The following FERMT3 variants were observed in gnomAD, a reference collection of about 807,000 sequenced individuals.
The protein encoded by FERMT3 is fermitin family homolog 3.
A neutral mutation model predicts 80.8 loss-of-function variants in FERMT3; 33 were observed. The observed-to-expected ratio is 0.41, with a 90% confidence interval of 0.31 to 0.55. FERMT3 has a LOEUF of 0.55. Among genes scored for constraint, FERMT3 ranks in the 20% least tolerant of loss-of-function variants. The pLI is 0.31. For synonymous variants in FERMT3, 375 were observed against 372.2 expected (o/e 1.01, Z -0.09); for missense variants, 754 against 908.7 (o/e 0.83, Z 2.19).
Position 64,223,718 on chromosome 11 carries a change from C to A in FERMT3, c.*226C>A. On this transcript the variant is annotated 3_prime_UTR_variant, in exon 15 of 15. Transcript: ENST00000345728. Reference sequence around the variant, plus strand: ...GGGTCCCTGAGCTCATGTGGTGCCCCCTTTCCTTGTCTGAGTGGCTGAGGC... The same window carrying A: ...GGGTCCCTGAGCTCATGTGGTGCCCACTTTCCTTGTCTGAGTGGCTGAGGC... 1 of 753,182 alleles carries A rather than the reference C, an allele frequency of 1.3e-6. No homozygotes were observed. The allele number at this position is 753,182 out of a possible 1,614,324, so 46.7% of individuals were successfully genotyped here. A position where few individuals can be genotyped will look rare whatever the true frequency, so the allele number is the denominator to read the frequency against.
intron 13 of FERMT3, among the ~76,000 whole-genome samples, chr11:64,222,806 T>C (rs1398507241): frequency 1.3e-5 from 2 of 152,178 alleles, no homozygotes; most frequent in Non-Finnish European, 2.9e-5. Flanking sequence ...AAAGTTACCA[T>C]TTAAAGGCTT....
intron 6 of FERMT3, among the ~76,000 whole-genome samples, chr11:64,214,215 C>A (rs1946504279): frequency 7.0e-6 from 1 of 142,392 alleles, no homozygotes; most frequent in Admixed American, 7.3e-5. Context: ...GTTGCCCAGG[C>A]TGGAGTACAA....
intron 2 of FERMT3, among the ~76,000 whole-genome samples, chr11:64,209,478 C>T (rs776583120): frequency 3.3e-5 from 5 of 152,044 alleles, no homozygotes; most frequent in African/African-American, 9.7e-5. Context: ...GGTCCCAGGC[C>T]GAACCTGGGG....
intron 6 of FERMT3, among the ~76,000 whole-genome samples, chr11:64,217,900 C>A (rs1946584411): frequency 6.6e-6 from 1 of 152,192 alleles, no homozygotes; most frequent in Non-Finnish European, 1.5e-5. Context: ...GGTGGATTTA[C>A]CAGACAGGAG....
At position 64,211,047 on chromosome 11, in the gene FERMT3, C is replaced by T; in HGVS notation, c.395-5C>T. 1 of 1,602,060 alleles carries T rather than the reference C, an allele frequency of 6.2e-7. No homozygotes were observed. ...AGTCCCCGCTGAGACCCTAGCTCCCCTCAGGCATCCGGCACCCCGAGGAGC... is the reference window on the plus strand; with the variant it reads ...AGTCCCCGCTGAGACCCTAGCTCCCTTCAGGCATCCGGCACCCCGAGGAGC... On this transcript the variant is annotated splice_region_variant and splice_polypyrimidine_tract_variant and intron_variant, in intron 3 of 14. Transcript: ENST00000345728. This position sits in a 1 kb window ranked among gnomAD's most constrained non-coding sequence, Gnocchi z 4.7.
At position 64,210,870 on chromosome 11, in the gene FERMT3, GC is replaced by G; in HGVS notation, c.394+29del. Reference sequence around the variant, plus strand: ...GTAAGTTGCCCGGCTGATTCCCCTGGCCCACGAGGGTGATGCAAAGAGGCAG... The same window carrying G: ...GTAAGTTGCCCGGCTGATTCCCCTGGCCACGAGGGTGATGCAAAGAGGCAG... On this transcript the variant is annotated intron_variant, in intron 3 of 14. Coordinates refer to ENST00000345728, the MANE Select transcript of FERMT3 (RefSeq NM_031471.6). This position sits in a 1 kb window ranked among gnomAD's most constrained non-coding sequence, Gnocchi z 4.3. 1 of 1,609,672 alleles carries G rather than the reference GC, an allele frequency of 6.2e-7. No individual in the cohort carries two copies. Among genetic ancestry groups the G allele is most frequent in the Non-Finnish European group, 8.5e-7 (1 of 1,179,784 alleles).
rs1325840397 is a variant in FERMT3 at position 64,219,614 on chromosome 11, A to AC, written c.985_986insC (p.Asn329ThrfsTer76). On this transcript the variant is annotated frameshift_variant, in exon 8 of 15. Transcript: ENST00000345728. LOFTEE classifies it high-confidence loss of function. This position sits in a 1 kb window ranked among gnomAD's most constrained non-coding sequence, Gnocchi z 4.0. ...GGACGACCTGGATGTGGCCCTGAGCAACCTGGAGGTGAAGCTGGAGGGGTC... is the reference window on the plus strand; with the variant it reads ...GGACGACCTGGATGTGGCCCTGAGCACACCTGGAGGTGAAGCTGGAGGGGTC... 2 of 1,612,964 alleles carry AC rather than the reference A, an allele frequency of 1.2e-6. No individual in the cohort carries two copies. Among genetic ancestry groups the AC allele is most frequent in the Non-Finnish European group, 1.7e-6 (2 of 1,179,944 alleles).
Position 64,220,593 on chromosome 11 carries a change from C to G in FERMT3, c.1469C>G (p.Pro490Arg). ...GGCCCGGGCAACCACCCCCACGGCC[C>G]TGATGCCTCTGCCGAGGGCCTCAAC... is the stretch of plus-strand genomic sequence containing the variant. ...SGGPGNHPHG[P>R]DASAEGLNPY... Residue 490 changes from proline to arginine, a missense_variant, in exon 12 of 15, where the codon CCT becomes CGT. Coordinates refer to ENST00000345728, the MANE Select transcript of FERMT3 (RefSeq NM_031471.6). The G allele has an allele frequency of 6.2e-7, 1 of 1,610,118 alleles. No homozygotes were observed. Among genetic ancestry groups the G allele is most frequent in the East Asian group, 2.2e-5 (1 of 44,774 alleles).
At chr11:64,222,054 C>T (rs1946696821) in intron 13 of FERMT3, among the ~76,000 whole-genome samples, 1 of 151,910 alleles carries the variant, frequency 6.6e-6, no homozygotes, top group Non-Finnish European at 1.5e-5. Flanking sequence ...GCCTGACCAA[C>T]ATGGTGAAAC....
rs760748029 is a variant in FERMT3 at position 64,211,791 on chromosome 11, G to T, written c.786+44G>T. 1.3e-6 allele frequency: 2 copies of T among 1,580,156 alleles called. No homozygotes were observed. Among genetic ancestry groups the T allele is most frequent in the Non-Finnish European group, 8.7e-7 (1 of 1,149,330 alleles). On this transcript the variant is annotated intron_variant, in intron 6 of 14. Coordinates refer to ENST00000345728, the MANE Select transcript of FERMT3 (RefSeq NM_031471.6). The surrounding 1 kb of genome is among the most constrained non-coding windows in gnomAD (Gnocchi z 4.7). The stretch of plus-strand genomic sequence containing the variant: ...AAAGCGGGCCTCAGGTCCATGAGAT[G>T]TGGAGACCTAGGGCCTGGGGTATGG...
At position 64,220,428 on chromosome 11, in the gene FERMT3, T is replaced by C. The variant is rs763392402; in HGVS notation, c.1312-8T>C. On this transcript the variant is annotated splice_region_variant and splice_polypyrimidine_tract_variant and intron_variant, in intron 11 of 14. Transcript: ENST00000345728. The stretch of plus-strand genomic sequence containing the variant: ...GTTAGCACTGTCCCCCTCACCCCTC[T>C]CGCCCAGGAGCAGCAGTATGCCCGC... 3.7e-6 allele frequency: 6 copies of C among 1,610,750 alleles called. No individual in the cohort carries two copies. The African/African-American group carries it at 8.0e-5, about 22-fold the overall frequency.
chr11:64,223,099 G>C lies in FERMT3; in HGVS notation c.1722G>C (p.Leu574=), dbSNP rs769738360. The C allele has an allele frequency of 6.1e-5, 99 of 1,613,840 alleles. No individual in the cohort carries two copies. In the Admixed American group the frequency reaches 1.6e-3, roughly 27 times the overall value. Residue 574 remains leucine, a synonymous_variant, in exon 14 of 15, where the codon CTG becomes CTC. Transcript: ENST00000345728. ...DEILGIANNR[L]IRIDLAVGDV... ...TCCTGGGCATCGCCAACAACCGACT[G>C]ATCCGCATCGACTTGGCCGTGGGCG...
Position 64,219,560 on chromosome 11 carries a change from G to C in FERMT3, c.931G>C (p.Gly311Arg). The C allele has an allele frequency of 6.2e-7, 1 of 1,611,684 alleles. No homozygotes were observed. The highest frequency in any genetic ancestry group is 1.1e-5 in the South Asian group (1 of 91,032). Residue 311 changes from glycine to arginine, a missense_variant, in exon 8 of 15, where the codon GGG becomes CGG. Gly to Arg is a moderately radical substitution (Grantham distance 125). Coordinates refer to ENST00000345728, the MANE Select transcript of FERMT3 (RefSeq NM_031471.6). This position sits in a 1 kb window ranked among gnomAD's most constrained non-coding sequence, Gnocchi z 4.0. ...INKLSQSGEV[G>R]EPAGTDPGLD... is the part of the protein sequence containing the mutation. ...CAAGCTGTCCCAGAGCGGGGAGGTG[G>C]GGGAGCCGGCTGGCACAGACCCAGG...
At chr11:64,221,806 A>T (rs912467483) in intron 13 of FERMT3, among the ~76,000 whole-genome samples, 5 of 151,936 alleles carry the variant, frequency 3.3e-5, no homozygotes, top group African/African-American at 1.2e-4. Context: ...ACGCACCTGT[A>T]GTCCCAGCTA....
Position 64,210,787 on chromosome 11 carries a change from C to A in FERMT3, c.337C>A (p.Arg113Ser), listed in dbSNP as rs757621690. ...GCCCAACCGCCGCGCACTGCGCCTC[C>A]GTGCCAGCTTCTCCCAGCCCCTCTT... ...RLPNRRALRL[R>S]ASFSQPLFQA... Residue 113 changes from arginine to serine, a missense_variant, in exon 3 of 15, where the codon CGT becomes AGT. By Grantham distance (110) the Arg-to-Ser change is moderately radical. Coordinates refer to ENST00000345728, the MANE Select transcript of FERMT3 (RefSeq NM_031471.6). The surrounding 1 kb of genome is among the most constrained non-coding windows in gnomAD (Gnocchi z 4.3). 6.2e-7 allele frequency: 1 copy of A among 1,613,994 alleles called. No homozygotes were observed. The highest frequency in any genetic ancestry group is 2.2e-5 in the East Asian group (1 of 44,880).
intron 6 of FERMT3, among the ~76,000 whole-genome samples, chr11:64,216,592 C>G (rs1004006905): frequency 2.1e-4 from 32 of 149,230 alleles, no homozygotes; most frequent in African/African-American, 7.1e-4. Context: ...GTCAGGAGAT[C>G]GAGACCATCC....
chr11:64,219,377 G>T lies in FERMT3; in HGVS notation c.894+19G>T. The T allele has an allele frequency of 6.3e-7, 1 of 1,578,594 alleles. No homozygotes were observed. The highest frequency in any genetic ancestry group is 1.2e-5 in the South Asian group (1 of 86,826). ...CCTGCAGGTACCAGGCGGGCCTGGG[G>T]GCACCAGGGCAGGTGGGAGGTGAGC... is the stretch of plus-strand genomic sequence containing the variant. On this transcript the variant is annotated intron_variant, in intron 7 of 14. Coordinates refer to ENST00000345728, the MANE Select transcript of FERMT3 (RefSeq NM_031471.6). This position sits in a 1 kb window ranked among gnomAD's most constrained non-coding sequence, Gnocchi z 4.0.
chr11:64,214,805 G>A (rs1203573041), intron 6 of FERMT3, among the ~76,000 whole-genome samples: 2 of 149,584 alleles, frequency 1.3e-5, no homozygotes, highest in African/African-American at 2.5e-5. Context: ...TCTTTTATAG[G>A]GTTTTTTTTT....
Position 64,221,159 on chromosome 11 carries a change from C to T in FERMT3, c.1670+19C>T. The T allele has an allele frequency of 6.2e-7, 1 of 1,604,206 alleles. No homozygotes were observed. ...TGGTCAGGTATGGCCCCTGGCCCAGCCCCCTGCCCAGCACCGTCTCTGCCC... is the reference window on the plus strand; with the variant it reads ...TGGTCAGGTATGGCCCCTGGCCCAGTCCCCTGCCCAGCACCGTCTCTGCCC... On this transcript the variant is annotated intron_variant, in intron 13 of 14. Transcript: ENST00000345728.
Sources: allele counts gnomAD v4.1 joint callset (sites outside exome capture counted in the v4.1 genomes callset), GRCh38; gene constraint gnomAD v4.1.1; non-coding constraint Gnocchi (gnomAD v3.1); transcripts MANE v1.5; gene names NCBI Gene and HGNC (gene_info 2026-07-23, HGNC 2026-07-21).